Variants in SHROOM4 observed in about 807,000 individuals in gnomAD.
SHROOM4 encodes the protein protein Shroom4.
Under a neutral mutation model 80.3 loss-of-function variants are expected in SHROOM4, and 17 were observed. That is an observed-to-expected ratio of 0.21 (90% confidence interval 0.14 to 0.32). The LOEUF is 0.32. Ranked by LOEUF, SHROOM4 falls within the 10% of genes least tolerant of loss-of-function variation. The pLI is 1.00. For missense variants in SHROOM4, 993 were observed against 1,140.3 expected (o/e 0.87, Z 1.86); for synonymous variants, 400 against 437.5 (o/e 0.91, Z 1.07).
chrX:50,706,245 C>T (rs1352338754), intron 1 of SHROOM4, among the ~76,000 whole-genome samples: 2 of 112,044 alleles, frequency 1.8e-5, no homozygotes, highest in Non-Finnish European at 3.8e-5. Flanking sequence ...TCTCTACCCA[C>T]ATCTCATCAC....
At chrX:50,672,772 A>T (rs1339360233) in intron 2 of SHROOM4, among the ~76,000 whole-genome samples, 6 of 112,160 alleles carry the variant, frequency 5.3e-5, no homozygotes, top group African/African-American at 1.9e-4. Context: ...CAAACAAAAA[A>T]ATCTTGAAAG....
Position 50,634,910 on chromosome X carries a change from G to A in SHROOM4, c.1163C>T (p.Ser388Phe), listed in dbSNP as rs375012879. 2 of 1,208,935 alleles carry A rather than the reference G, an allele frequency of 1.7e-6. No individual in the cohort carries two copies. Among genetic ancestry groups the A allele is most frequent in the African/African-American group, 1.7e-5 (1 of 57,839 alleles). Residue 388 changes from serine to phenylalanine, a missense_variant, in exon 4 of 9, where the codon TCT becomes TTT. Ser to Phe is a radical substitution (Grantham distance 155, BLOSUM62 -2). Coordinates refer to ENST00000376020, the MANE Select transcript of SHROOM4 (RefSeq NM_020717.5). Reference sequence around the variant, plus strand: ...AAAAGAAGCCTTAGCTAGCTCTGCAGAAGCCTCATTGAGTGGGTTGGAATC... The same window carrying A: ...AAAAGAAGCCTTAGCTAGCTCTGCAAAAGCCTCATTGAGTGGGTTGGAATC... ...SVDSNPLNEA[S>F]AELAKASFGR... is the part of the protein sequence containing the mutation.
intron 1 of SHROOM4, among the ~76,000 whole-genome samples, chrX:50,799,516 T>C (rs1182187863): frequency 9.0e-6 from 1 of 111,180 alleles, no homozygotes; most frequent in Non-Finnish European, 1.9e-5. Flanking sequence ...CAGAGTGAGT[T>C]CCCTTTGGCC....
chrX:50,601,391 C>G (rs1465710176), intron 7 of SHROOM4, among the ~76,000 whole-genome samples: 1 of 112,162 alleles, frequency 8.9e-6, no homozygotes, highest in Non-Finnish European at 1.9e-5. Context: ...AACTTCAACA[C>G]CACCATGCTT....
rs1251681376 is a variant in SHROOM4, at chrX:50,587,295, T to C, written c.*9400A>G. ...CCCTGGTACATTGTTGGTGGGAATG[T>C]AAATTAGTACCCCATTTTGGAAAAT... On this transcript the variant is annotated 3_prime_UTR_variant, in exon 9 of 9. Transcript: ENST00000376020. Among the ~76,000 whole-genome samples the C allele has an allele frequency of 8.9e-6, 1 of 112,180 alleles. No individual in the cohort carries two copies. The highest frequency in any genetic ancestry group is 9.5e-5 in the Admixed American group (1 of 10,578).
chrX:50,787,771 G>GAAA (rs142352201), intron 1 of SHROOM4, among the ~76,000 whole-genome samples: 3 of 99,417 alleles, frequency 3.0e-5, no homozygotes, highest in African/African-American at 1.1e-4. Flanking sequence ...AGCGCTAAAA[G>GAAA]AAAAAAAAAA....
chrX:50,614,183 G>T (rs1930123875), intron 5 of SHROOM4, among the ~76,000 whole-genome samples: 1 of 112,117 alleles, frequency 8.9e-6, no homozygotes, highest in South Asian at 3.7e-4. Flanking sequence ...TACCATAAAG[G>T]TACTAGAAGA....
chrX:50,743,711 C>T (rs1201948546), intron 1 of SHROOM4, among the ~76,000 whole-genome samples: 1 of 111,615 alleles, frequency 9.0e-6, no homozygotes, highest in East Asian at 2.8e-4. Flanking sequence ...CTTGCCTTGG[C>T]CTCCCAAAGT....
At position 50,730,320 on chromosome X, in the gene SHROOM4, G is replaced by A. The variant is rs782203224; in HGVS notation, c.118-34383C>T. ...CACATGCCTGTAATCCCAGCTACTC[G>A]GGAGGCTGAGGCAGGAGAATTGCTT... On this transcript the variant is annotated intron_variant, in intron 1 of 8. Transcript: ENST00000376020. Among the ~76,000 whole-genome samples, 27 of 110,553 alleles carry A rather than the reference G, an allele frequency of 2.4e-4. No homozygotes were observed. The South Asian group carries it at 5.5e-3, about 22-fold the overall frequency.
Position 50,598,310 on chromosome X carries a change from C to T in SHROOM4, c.4168G>A (p.Glu1390Lys). The T allele has an allele frequency of 8.3e-7, 1 of 1,211,343 alleles. No individual in the cohort carries two copies. Among genetic ancestry groups the T allele is most frequent in the Non-Finnish European group, 1.1e-6 (1 of 895,510 alleles). The part of the protein sequence containing the change: ...LSLSGRLARV[E>K]NALNSIDSEA... ...GAATCGATGCTGTTCAGAGCATTCT[C>T]CACCCGGGCCAGTCGTCCAGAGAGT... Residue 1390 changes from glutamate (E) to lysine (K), a missense_variant, in exon 8 of 9, where the codon GAG becomes AAG. Physicochemically the swap from Glu to Lys is moderately conservative, Grantham distance 56. Coordinates refer to ENST00000376020, the MANE Select transcript of SHROOM4 (RefSeq NM_020717.5).
In SHROOM4 at chrX:50,589,575, T is replaced by G. The variant is rs986893113; in HGVS notation, c.*7120A>C. The stretch of plus-strand genomic sequence containing the variant: ...TTGGCTCCTTTCACTTAGCATATTT[T>G]CAAGGTTCATCAATGTTACATGTAT... On this transcript the variant is annotated 3_prime_UTR_variant, in exon 9 of 9. Transcript: ENST00000376020. Among the ~76,000 whole-genome samples, 6 of 111,877 alleles carry G rather than the reference T, an allele frequency of 5.4e-5. No homozygotes were observed. The highest frequency in any genetic ancestry group is 1.3e-4 in the African/African-American group (4 of 30,774).
At chrX:50,728,750 A>G (rs782262030) in intron 1 of SHROOM4, among the ~76,000 whole-genome samples, 1 of 112,253 alleles carries the variant, frequency 8.9e-6, no homozygotes, top group East Asian at 2.8e-4. Context: ...AAACACCCTC[A>G]ACTGTGAAAA....
At chrX:50,772,390 A>C (rs1233930723) in intron 1 of SHROOM4, among the ~76,000 whole-genome samples, 1 of 111,187 alleles carries the variant, frequency 9.0e-6, no homozygotes, top group African/African-American at 3.3e-5. Flanking sequence ...AAAACACTGA[A>C]GCTTAGAGAG....
rs1928934595 is a variant in SHROOM4, at chrX:50,592,782, G to C, written c.*3913C>G. On this transcript the variant is annotated 3_prime_UTR_variant, in exon 9 of 9. Transcript: ENST00000376020. ...TTCAAGATTGGAAGAAGTCTAGAAA[G>C]AATGGCTTACCTTCGATCAGGCTAG... 8.6e-6 allele frequency: 1 copy of C among 116,915 alleles called. No individual in the cohort carries two copies. Among genetic ancestry groups the C allele is most frequent in the Non-Finnish European group, 1.8e-5 (1 of 56,161 alleles). The allele number at this position is 116,915 out of a possible 1,213,427, so 9.6% of individuals were successfully genotyped here.
At chrX:50,683,804 G>C (rs1246280468) in intron 2 of SHROOM4, among the ~76,000 whole-genome samples, 3 of 111,188 alleles carry the variant, frequency 2.7e-5, no homozygotes, top group Non-Finnish European at 5.7e-5. Flanking sequence ...GATGGAGTGA[G>C]AGATTTAGAA....
In SHROOM4 at chrX:50,607,886, C is replaced by T. The variant is rs781921942; in HGVS notation, c.3256G>A (p.Glu1086Lys). The T allele has an allele frequency of 1.1e-5, 13 of 1,208,351 alleles. No individual in the cohort carries two copies. The highest frequency in any genetic ancestry group is 8.8e-5 in the South Asian group (5 of 56,585). ...HRRELFSKGDETQSDLLGARK... is the reference protein window; with the variant it reads ...HRRELFSKGDKTQSDLLGARK... ...GCTCCGAGAAGATCCGACTGGGTCT[C>T]ATCACCTTTGCTAAAGAGCTCCCTC... The change falls in exon 6 of 9, where the codon GAG becomes AAG. Residue 1086 changes from glutamate to lysine, a missense_variant. Coordinates refer to ENST00000376020, the MANE Select transcript of SHROOM4 (RefSeq NM_020717.5).
intron 1 of SHROOM4, among the ~76,000 whole-genome samples, chrX:50,697,309 G>A (rs909886228): frequency 1.8e-5 from 2 of 111,217 alleles, no homozygotes; most frequent in South Asian, 3.8e-4. Flanking sequence ...GCAATTAAGG[G>A]CTGGTATTCA....
chrX:50,631,827 C>T (rs1401618344), intron 4 of SHROOM4, among the ~76,000 whole-genome samples: 1 of 111,584 alleles, frequency 9.0e-6, no homozygotes, highest in Admixed American at 9.5e-5. Context: ...GGCTAGGATT[C>T]GGCGCTTTCA....
At chrX:50,768,469 G>T (rs1430132778) in intron 1 of SHROOM4, among the ~76,000 whole-genome samples, 1 of 111,853 alleles carries the variant, frequency 8.9e-6, no homozygotes, top group East Asian at 2.8e-4. Flanking sequence ...CCCACCTTAG[G>T]TCTATTCCCT....
Sources: allele counts gnomAD v4.1 joint callset (sites outside exome capture counted in the v4.1 genomes callset), GRCh38; gene constraint gnomAD v4.1.1; transcripts MANE v1.5; gene names NCBI Gene and HGNC (gene_info 2026-07-23, HGNC 2026-07-21).